The following CNTN5 variants were observed in gnomAD, a reference collection of about 807,000 sequenced individuals.
CNTN5 encodes the protein contactin-5.
A neutral mutation model predicts 129.1 loss-of-function variants in CNTN5; 77 were observed. The ratio of observed to expected loss-of-function variants is 0.60; its 90% CI spans 0.50 to 0.72. CNTN5 has a LOEUF of 0.72. Among genes scored for constraint, CNTN5 ranks in the 30% least tolerant of loss-of-function variants. The pLI is 0.00. For missense variants in CNTN5, 1,478 were observed against 1,328.8 expected, an observed-to-expected ratio of 1.11 and a Z score of -1.75; for synonymous variants, 509 against 465.6, an observed-to-expected ratio of 1.09 and a Z score of -1.20.
intron 21 of CNTN5, among the ~76,000 whole-genome samples, chr11:100,319,248 G>T (rs1951635639): frequency 6.6e-6 from 1 of 151,668 alleles, no homozygotes; most frequent in East Asian, 1.9e-4. Context: ...CGCCTCCTGG[G>T]CTCAAGCAAT....
chr11:99,966,496 C>G (rs956302087), intron 8 of CNTN5, among the ~76,000 whole-genome samples: 3 of 152,172 alleles, frequency 2.0e-5, no homozygotes, highest in Non-Finnish European at 2.9e-5. Flanking sequence ...GAATGGTCAC[C>G]TTGGAGGGTG....
chr11:99,159,552 G>A (rs915542744), intron 1 of CNTN5, among the ~76,000 whole-genome samples: 1 of 152,182 alleles, frequency 6.6e-6, no homozygotes, highest in Non-Finnish European at 1.5e-5. Context: ...AACCCGGGAG[G>A]TGGAGGTTGC....
intron 21 of CNTN5, among the ~76,000 whole-genome samples, chr11:100,311,256 G>GA: frequency 6.6e-6 from 1 of 151,786 alleles, no homozygotes; most frequent in East Asian, 1.9e-4. Flanking sequence ...TGTAGGCTAT[G>GA]AAAAAGATGA....
intron 2 of CNTN5, among the ~76,000 whole-genome samples, chr11:99,417,345 G>T (rs940017722): frequency 3.9e-5 from 6 of 152,114 alleles, no homozygotes; most frequent in African/African-American, 1.4e-4. Context: ...TTTTTAATTA[G>T]ACAGTGGTTA....
intron 6 of CNTN5, among the ~76,000 whole-genome samples, chr11:99,892,254 A>C (rs1949082227): frequency 6.6e-6 from 1 of 151,996 alleles, no homozygotes; most frequent in Non-Finnish European, 1.5e-5. Flanking sequence ...AGATTGCAAA[A>C]ATTTTCTTTC....
intron 1 of CNTN5, among the ~76,000 whole-genome samples, chr11:99,186,915 G>C (rs1227493325): frequency 6.6e-6 from 1 of 151,952 alleles, no homozygotes; most frequent in Non-Finnish European, 1.5e-5. Flanking sequence ...GAATAGTAGA[G>C]AGAGGGCAAA....
At chr11:100,046,870 A>G (rs1338515483) in intron 9 of CNTN5, among the ~76,000 whole-genome samples, 1 of 152,176 alleles carries the variant, frequency 6.6e-6, no homozygotes, top group South Asian at 2.1e-4. Context: ...AATAAAAAAC[A>G]GTGAAGTTAA....
intron 20 of CNTN5, among the ~76,000 whole-genome samples, chr11:100,301,089 A>G: frequency 6.6e-6 from 1 of 151,636 alleles, no homozygotes; most frequent in Non-Finnish European, 1.5e-5. Flanking sequence ...TCAGGAATGT[A>G]CACAATAGTG....
At position 100,026,729 on chromosome 11, in the gene CNTN5, G is replaced by C. The variant is rs986130914; in HGVS notation, c.980+24593G>C. Among the ~76,000 whole-genome samples the C allele has an allele frequency of 1.3e-5, 2 of 151,934 alleles. 1 individual carries two copies. Among genetic ancestry groups the C allele is most frequent in the South Asian group, 4.2e-4 (2 of 4,812 alleles). On this transcript the variant is annotated intron_variant, in intron 9 of 24. Coordinates refer to ENST00000524871, the MANE Select transcript of CNTN5 (RefSeq NM_014361.4). ...TTTGGCCCATTTTTTTAGTCAGATTGTTTTCTTATTGTTTAGTTTTAAGAG... is the reference window on the plus strand; with the variant it reads ...TTTGGCCCATTTTTTTAGTCAGATTCTTTTCTTATTGTTTAGTTTTAAGAG...
At chr11:99,291,954 A>T (rs1285678683) in intron 1 of CNTN5, among the ~76,000 whole-genome samples, 1 of 152,112 alleles carries the variant, frequency 6.6e-6, no homozygotes, top group Non-Finnish European at 1.5e-5. Context: ...AACTGGATTG[A>T]TGCTACTGTT....
chr11:99,349,678 T>G (rs1314598045), intron 2 of CNTN5, among the ~76,000 whole-genome samples: 4 of 152,258 alleles, frequency 2.6e-5, no homozygotes, highest in South Asian at 2.1e-4. Flanking sequence ...TGCTTCCTTG[T>G]GAACTAAACT....
chr11:99,231,963 G>C (rs1016045819), intron 1 of CNTN5, among the ~76,000 whole-genome samples: 10 of 152,106 alleles, frequency 6.6e-5, no homozygotes, highest in Non-Finnish European at 1.2e-4. Flanking sequence ...GGTTGTAGTT[G>C]TGTGGTCTTA....
intron 2 of CNTN5, among the ~76,000 whole-genome samples, chr11:99,476,094 G>A (rs186256943): frequency 1.2e-3 from 180 of 151,798 alleles, no homozygotes; most frequent in African/African-American, 4.2e-3. Flanking sequence ...CCCAAAGAAA[G>A]GATGGAATTG....
intron 18 of CNTN5, among the ~76,000 whole-genome samples, chr11:100,283,161 G>T (rs1168922603): frequency 6.6e-6 from 1 of 152,112 alleles, no homozygotes; most frequent in East Asian, 1.9e-4. Context: ...TGCCAAGACT[G>T]GGTCTTTCCC....
In CNTN5 at chr11:99,837,684, TAAAA is replaced by T. The variant is rs34378760; in HGVS notation, c.278-7151_278-7148del. Among the ~76,000 whole-genome samples the T allele has an allele frequency of 6.0e-4, 67 of 112,600 alleles. 1 individual carries two copies. The highest frequency in any genetic ancestry group is 7.6e-4 in the Non-Finnish European group (42 of 55,236). 73.9% of individuals were successfully genotyped at this position (112,600 alleles called of 152,430 possible). On this transcript the variant is annotated intron_variant, in intron 4 of 24. Coordinates refer to ENST00000524871, the MANE Select transcript of CNTN5 (RefSeq NM_014361.4). Reference sequence around the variant, plus strand: ...CTAGCCAGTACTTGCCACACATGAGTAAAAAAAAAAAAAAAAAAAACCTATCAAA... The same window carrying T: ...CTAGCCAGTACTTGCCACACATGAGTAAAAAAAAAAAAAAAACCTATCAAA...
intron 16 of CNTN5, among the ~76,000 whole-genome samples, chr11:100,233,845 C>T (rs1949546532): frequency 6.6e-6 from 1 of 152,084 alleles, no homozygotes; most frequent in Non-Finnish European, 1.5e-5. Context: ...GCAAAAGAAA[C>T]TATCATCAGA....
intron 6 of CNTN5, among the ~76,000 whole-genome samples, chr11:99,850,611 A>G (rs1362248954): frequency 6.6e-6 from 1 of 152,122 alleles, no homozygotes; most frequent in African/African-American, 2.4e-5. Context: ...CTCTTTCGAA[A>G]GGTGATTTTT....
intron 6 of CNTN5, among the ~76,000 whole-genome samples, chr11:99,870,673 C>T (rs1300204562): frequency 3.3e-5 from 5 of 152,012 alleles, no homozygotes; most frequent in Non-Finnish European, 5.9e-5. Context: ...AATGTTTTCC[C>T]TAGCTTTTCT....
At chr11:100,048,921 AAGG>A (rs1175971002) in intron 9 of CNTN5, among the ~76,000 whole-genome samples, 1 of 152,142 alleles carries the variant, frequency 6.6e-6, no homozygotes, top group African/African-American at 2.4e-5. Flanking sequence ...ACAAAAATAA[AAGG>A]AGAATCTTAA....
Sources: gnomAD v4.1 joint callset for allele counts (sites outside exome capture counted in the v4.1 genomes callset) on GRCh38, gnomAD v4.1.1 for gene constraint, MANE v1.5 for transcripts, NCBI Gene and HGNC (gene_info 2026-07-23, HGNC 2026-07-21) for gene names.